Variants in SNIP1 observed in about 807,000 individuals in gnomAD.
SNIP1 encodes the protein smad nuclear-interacting protein 1.
SNIP1 carries 23 observed loss-of-function variants against 37.4 expected under a neutral mutation model. The ratio of observed to expected loss-of-function variants is 0.61; its 90% confidence interval spans 0.44 to 0.87. The LOEUF (loss-of-function observed/expected upper bound fraction) is 0.87, where lower values mean the gene tolerates loss of function less well. Among genes scored for constraint, SNIP1 ranks in the 40% least tolerant of loss-of-function variants. The pLI, the probability that SNIP1 is intolerant of heterozygous loss-of-function variation, is 0.00. For synonymous variants in SNIP1, 174 were observed against 200.0 expected (o/e 0.87, Z 1.10); for missense variants, 459 against 540.4 (o/e 0.85, Z 1.49).
In SNIP1 at chr1:37,540,239, G is replaced by T; in HGVS notation, c.844C>A (p.Leu282Ile). The change falls in exon 3 of 4, where the codon CTA becomes ATA. Residue 282 changes from leucine (L) to isoleucine (I), a missense_variant. Leu to Ile is a conservative substitution (Grantham distance 5). Coordinates refer to ENST00000296215, the MANE Select transcript of SNIP1 (RefSeq NM_024700.4). The surrounding 1 kb of genome is among the most constrained non-coding windows in gnomAD (Gnocchi z 5.6). The stretch of plus-strand genomic sequence containing the variant: ...GCAATGCGGCGGTGTCGACCCAGTA[G>T]GTACGCACTCTGTCGATGTATGTAC... ...VMYIHRQSAY[L>I]LGRHRRIADI... 1 of 1,613,858 alleles carries T rather than the reference G, an allele frequency of 6.2e-7. No homozygotes were observed. The highest frequency in any genetic ancestry group is 8.5e-7 in the Non-Finnish European group (1 of 1,179,788).
chr1:37,541,042 ATAAT>A (rs1478632240), intron 2 of SNIP1: 1 of 302,358 alleles, frequency 3.3e-6, no homozygotes, highest in Non-Finnish European at 6.1e-6. Flanking sequence ...AGAAGGAAAA[ATAAT>A]TCCCTCCTTT....
rs747471118 is a variant in SNIP1, at chr1:37,535,596, T to C, written c.*2152A>G. The C allele has an allele frequency of 1.3e-5, 2 of 152,116 alleles. No individual in the cohort carries two copies. Among genetic ancestry groups the C allele is most frequent in the African/African-American group, 2.4e-5 (1 of 41,418 alleles). 9.4% of individuals were successfully genotyped at this position (152,116 alleles called of 1,614,324 possible). A position where few individuals can be genotyped will look rare whatever the true frequency, so the allele number is the denominator to read the frequency against. Reference sequence around the variant, plus strand: ...AAAACTCAAGGCTACCACAAAGTAGTGCTACTGCAGCACAGACTGAACAAG... The same window carrying C: ...AAAACTCAAGGCTACCACAAAGTAGCGCTACTGCAGCACAGACTGAACAAG... On this transcript the variant is annotated 3_prime_UTR_variant, in exon 4 of 4. Coordinates refer to ENST00000296215, the MANE Select transcript of SNIP1 (RefSeq NM_024700.4).
chr1:37,543,469 A>C (rs993271947), intron 2 of SNIP1, among the ~76,000 whole-genome samples: 1 of 152,206 alleles, frequency 6.6e-6, no homozygotes, highest in African/African-American at 2.4e-5. Flanking sequence ...TTATCTATTC[A>C]TACAAAGGAA....
At chr1:37,544,762 C>G in intron 2 of SNIP1, 2 of 701,352 alleles carry the variant, frequency 2.9e-6, no homozygotes, top group Non-Finnish European at 5.3e-6. Flanking sequence ...TGGCCACCAC[C>G]ATGACGACTG....
chr1:37,542,679 G>T (rs529244074), intron 2 of SNIP1, among the ~76,000 whole-genome samples: 8 of 152,162 alleles, frequency 5.3e-5, no homozygotes, highest in East Asian at 1.9e-4. Context: ...GGCAGAGATT[G>T]CAGTAAGCCA....
At chr1:37,538,488 A>ATG (rs1643126495) in intron 3 of SNIP1, among the ~76,000 whole-genome samples, 1 of 147,472 alleles carries the variant, frequency 6.8e-6, no homozygotes, top group Non-Finnish European at 1.5e-5. Flanking sequence ...CAGCCTGGGC[A>ATG]ACAGAGCGAG....
intron 2 of SNIP1, among the ~76,000 whole-genome samples, chr1:37,551,673 G>T (rs1342372507): frequency 6.6e-6 from 1 of 152,064 alleles, no homozygotes; most frequent in Non-Finnish European, 1.5e-5. Context: ...TTTTTTTCAG[G>T]AGATTCCAAA....
chr1:37,541,108 TAGAACTA>T (rs1450785266), intron 2 of SNIP1: 4 of 185,670 alleles, frequency 2.2e-5, no homozygotes, highest in Non-Finnish European at 4.4e-5. Flanking sequence ...ATACAGAAAA[TAGAACTA>T]AGAGTTAAGT....
intron 2 of SNIP1, among the ~76,000 whole-genome samples, chr1:37,551,349 A>C (rs948921767): frequency 2.6e-5 from 4 of 152,192 alleles, no homozygotes; most frequent in Non-Finnish European, 4.4e-5. Flanking sequence ...GCTAAAATAA[A>C]GTGATAACTT....
rs1349800518 is a variant in SNIP1 at position 37,536,138 on chromosome 1, G to T, written c.*1610C>A. 1.3e-5 allele frequency: 2 copies of T among 152,184 alleles called. No individual in the cohort carries two copies. Among genetic ancestry groups the T allele is most frequent in the African/African-American group, 4.8e-5 (2 of 41,430 alleles). 9.4% of individuals were successfully genotyped at this position (152,184 alleles called of 1,614,324 possible). On this transcript the variant is annotated 3_prime_UTR_variant, in exon 4 of 4. Transcript: ENST00000296215. ...CGGCCCAACTTACGTTTCATCTAAT[G>T]ACCTTATTAAGTGTTCACTTTTCAA... is the stretch of plus-strand genomic sequence containing the variant.
At chr1:37,552,457 T>C (rs1643311352) in intron 2 of SNIP1, 188 bp downstream of exon 2, 4 of 575,960 alleles carry the variant, frequency 6.9e-6, no homozygotes, top group Non-Finnish European at 9.5e-6. Flanking sequence ...AAAGTTTAAT[T>C]TAAGCAAACA....
At chr1:37,548,177 A>G (rs1489659648) in intron 2 of SNIP1, among the ~76,000 whole-genome samples, 2 of 138,504 alleles carry the variant, frequency 1.4e-5, no homozygotes, top group Non-Finnish European at 3.1e-5. Context: ...AAAAAAAAAG[A>G]TATCTTAGGA....
At chr1:37,539,060 C>T (rs1643135510) in intron 3 of SNIP1, among the ~76,000 whole-genome samples, 2 of 152,246 alleles carry the variant, frequency 1.3e-5, no homozygotes, top group Middle Eastern at 3.4e-3. Flanking sequence ...GTCACTGTCA[C>T]CCATCACCCC....
intron 2 of SNIP1, chr1:37,544,936 G>C: frequency 1.1e-6 from 1 of 913,174 alleles, no homozygotes. Flanking sequence ...CTCATGAGGA[G>C]AGGGAACATG....
chr1:37,536,404 T>G lies in SNIP1; in HGVS notation c.*1344A>C, dbSNP rs372092002. ...TCCACTGACTTGGAGGCCAACGATA[T>G]AACCTGCCCCACAACACTCTAAAAC... is the stretch of plus-strand genomic sequence containing the variant. On this transcript the variant is annotated 3_prime_UTR_variant, in exon 4 of 4. Coordinates refer to ENST00000296215, the MANE Select transcript of SNIP1 (RefSeq NM_024700.4). The G allele has an allele frequency of 2.6e-5, 4 of 152,134 alleles. No homozygotes were observed. The East Asian group carries it at 7.7e-4, about 29-fold the overall frequency. The allele number at this position is 152,134 out of a possible 1,614,324, so 9.4% of individuals were successfully genotyped here.
At chr1:37,542,675 G>C (rs1406831475) in intron 2 of SNIP1, among the ~76,000 whole-genome samples, 1 of 152,186 alleles carries the variant, frequency 6.6e-6, no homozygotes, top group Non-Finnish European at 1.5e-5. Flanking sequence ...GGGAGGCAGA[G>C]ATTGCAGTAA....
At chr1:37,538,323 A>G (rs572548477) in intron 3 of SNIP1, among the ~76,000 whole-genome samples, 10 of 152,214 alleles carry the variant, frequency 6.6e-5, no homozygotes, top group African/African-American at 2.2e-4. Context: ...CCTGGCTAAC[A>G]TGGTGAAACC....
chr1:37,548,356 C>T (rs146107899), intron 2 of SNIP1, among the ~76,000 whole-genome samples: 1,706 of 151,404 alleles, frequency 0.011, 18 homozygotes, highest in Middle Eastern at 0.044. Context: ...TGCTCTGTCA[C>T]CCAGGCTGGA....
In SNIP1 at chr1:37,540,927, C is replaced by G; in HGVS notation, c.328-172G>C. On this transcript the variant is annotated intron_variant, in intron 2 of 3. Coordinates refer to ENST00000296215, the MANE Select transcript of SNIP1 (RefSeq NM_024700.4). This position sits in a 1 kb window ranked among gnomAD's most constrained non-coding sequence, Gnocchi z 5.6. Reference sequence around the variant, plus strand: ...TATGTCTGGTGGTTATGTTCCCTCGCAAGGCCACAAAGATGATATCCCATG... The same window carrying G: ...TATGTCTGGTGGTTATGTTCCCTCGGAAGGCCACAAAGATGATATCCCATG... The G allele has an allele frequency of 1.6e-6, 1 of 607,806 alleles. No individual in the cohort carries two copies. The allele number at this position is 607,806 out of a possible 1,614,324, so 37.7% of individuals were successfully genotyped here.
Sources: allele counts gnomAD v4.1 joint callset (sites outside exome capture counted in the v4.1 genomes callset), GRCh38; gene constraint gnomAD v4.1.1; non-coding constraint Gnocchi (gnomAD v3.1); transcripts MANE v1.5; gene names NCBI Gene and HGNC (gene_info 2026-07-23, HGNC 2026-07-21).